Variants in ARHGEF10L observed in about 807,000 individuals in gnomAD.
ARHGEF10L encodes the protein Rho guanine nucleotide exchange factor 10 like.
In ARHGEF10L, 69 loss-of-function variants were observed where a neutral mutation model predicts 141.2. That is an observed-to-expected ratio of 0.49 (90% CI 0.40 to 0.60). The LOEUF is 0.60. Ranked by LOEUF, ARHGEF10L falls within the 20% of genes least tolerant of loss-of-function variation. ARHGEF10L has a pLI of 0.00. For synonymous variants in ARHGEF10L, 711 were observed against 718.5 expected, an observed-to-expected ratio of 0.99 and a Z score of 0.17; for missense variants, 1,482 against 1,734.3, an observed-to-expected ratio of 0.85 and a Z score of 2.58.
At chr1:17,533,668 G>A in the ARHGEF10L span, among the ~76,000 whole-genome samples, 2 of 152,132 alleles carry the variant, frequency 1.3e-5, no homozygotes, top group South Asian at 4.1e-4. Flanking sequence ...AACCTAGAAG[G>A]CTTGAGGTGT....
At chr1:17,630,087 G>A (rs1047645635) in intron 15 of ARHGEF10L, among the ~76,000 whole-genome samples, 2 of 152,242 alleles carry the variant, frequency 1.3e-5, no homozygotes, top group African/African-American at 4.8e-5. Flanking sequence ...GTTAGGAAGA[G>A]TGTGGTGGAG....
chr1:17,619,557 T>C lies in ARHGEF10L; in HGVS notation c.942+112T>C. 1.2e-6 allele frequency: 1 copy of C among 852,816 alleles called. No homozygotes were observed. The highest frequency in any genetic ancestry group is 1.7e-5 in the African/African-American group (1 of 57,808). 52.8% of individuals were successfully genotyped at this position (852,816 alleles called of 1,614,324 possible). A position where few individuals can be genotyped will look rare whatever the true frequency, so the allele number is the denominator to read the frequency against. On this transcript the variant is annotated intron_variant, in intron 10 of 28. Coordinates refer to ENST00000361221, the MANE Select transcript of ARHGEF10L (RefSeq NM_018125.4). This position sits in a 1 kb window ranked among gnomAD's most constrained non-coding sequence, Gnocchi z 5.0. ...TGGATCTCACAGGGGATATGATGAC[T>C]GGGGGCTCTTGGCAGAGCCCAGCTG...
In ARHGEF10L at chr1:17,558,634, G is replaced by A. The variant is rs371179617; in HGVS notation, c.-44+18684G>A. On this transcript the variant is annotated intron_variant, in intron 1 of 28. Transcript: ENST00000361221. This position sits in a 1 kb window ranked among gnomAD's most constrained non-coding sequence, Gnocchi z 4.2. ...CTTGCCTTTGGGAAGGCAGGTCATC[G>A]TGGCTGGGGCAGGTGGGGACCTTTT... is the stretch of plus-strand genomic sequence containing the variant. Among the ~76,000 whole-genome samples the A allele has an allele frequency of 2.7e-4, 41 of 152,260 alleles. No individual in the cohort carries two copies. Among genetic ancestry groups the A allele is most frequent in the African/African-American group, 7.7e-4 (32 of 41,466 alleles).
chr1:17,696,748 C>G, intron 28 of ARHGEF10L, 100 bp from the exon 29 acceptor site: 5 of 1,303,506 alleles, frequency 3.8e-6, no homozygotes, highest in Non-Finnish European at 5.2e-6. Context: ...GTGACCCCCC[C>G]AAATACCCAC....
chr1:17,561,297 C>T (rs923589995), intron 1 of ARHGEF10L, among the ~76,000 whole-genome samples: 13 of 152,190 alleles, frequency 8.5e-5, no homozygotes, highest in Admixed American at 6.5e-5. Flanking sequence ...GCTGGCAGCC[C>T]GGGAGCAGTC....
chr1:17,595,956 T>C (rs1177515372), intron 4 of ARHGEF10L, among the ~76,000 whole-genome samples: 3 of 152,204 alleles, frequency 2.0e-5, no homozygotes, highest in African/African-American at 4.8e-5. Flanking sequence ...TACTTCACCC[T>C]GGTCCACATT....
intron 26 of ARHGEF10L, among the ~76,000 whole-genome samples, chr1:17,685,738 G>T (rs2064518050): frequency 6.6e-6 from 1 of 152,242 alleles, no homozygotes; most frequent in South Asian, 2.1e-4. Flanking sequence ...ACCCTACTAG[G>T]CACTGGGCCT....
chr1:17,515,602 A>T, the ARHGEF10L span, among the ~76,000 whole-genome samples: 1 of 151,728 alleles, frequency 6.6e-6, no homozygotes, highest in East Asian at 1.9e-4. Flanking sequence ...GCCCTGCCAG[A>T]TACTATTTAT....
chr1:17,518,802 CAAAAAAA>C, the ARHGEF10L span, among the ~76,000 whole-genome samples: 3 of 99,890 alleles, frequency 3.0e-5, no homozygotes, highest in South Asian at 7.2e-4. Flanking sequence ...GATTCTGTCT[CAAAAAAA>C]AAAAAAAAAA....
chr1:17,630,114 C>T (rs1218458050), intron 15 of ARHGEF10L, among the ~76,000 whole-genome samples: 1 of 152,160 alleles, frequency 6.6e-6, no homozygotes, highest in African/African-American at 2.4e-5. Flanking sequence ...CCCTGGGCTT[C>T]CCCCTCCAGG....
At chr1:17,638,461 G>C (rs943569918) in intron 19 of ARHGEF10L, 101 bp from the exon 20 acceptor site, 1 of 1,532,416 alleles carries the variant, frequency 6.5e-7, no homozygotes, top group Admixed American at 2.0e-5. Context: ...GACTTCTTCA[G>C]TTTCTCTTCC....
chr1:17,643,402 G>A (rs908178876), intron 21 of ARHGEF10L, among the ~76,000 whole-genome samples: 12 of 152,122 alleles, frequency 7.9e-5, no homozygotes, highest in African/African-American at 1.4e-4. Context: ...TGGGGACCCC[G>A]TTCAAACCCC....
rs1159449659 is a variant in ARHGEF10L, at chr1:17,648,642, C to T, written c.2361C>T (p.Ile787=). 1.9e-6 allele frequency: 3 copies of T among 1,613,058 alleles called. No homozygotes were observed. The highest frequency in any genetic ancestry group is 2.2e-5 in the South Asian group (2 of 91,028). ...PFWCPILACC[I]PAFSSRALSL... is the part of the protein sequence containing the mutation. ...GGTGCCCGATCCTGGCCTGCTGCAT[C>T]CCTGCCTTCTCCTCCCGGGCACTCA... is the stretch of plus-strand genomic sequence containing the variant. Residue 787 remains isoleucine, a synonymous_variant, in exon 22 of 29, where the codon ATC becomes ATT. Coordinates refer to ENST00000361221, the MANE Select transcript of ARHGEF10L (RefSeq NM_018125.4).
chr1:17,634,727 G>A, intron 17 of ARHGEF10L, 108 bp from the exon 18 acceptor site: 1 of 1,459,132 alleles, frequency 6.9e-7, no homozygotes, highest in Non-Finnish European at 9.2e-7. Context: ...CTTGCGCTGG[G>A]GCTGCGTGAA....
intron 22 of ARHGEF10L, among the ~76,000 whole-genome samples, chr1:17,651,781 ACT>A (rs1239058392): frequency 1.3e-5 from 2 of 151,698 alleles, no homozygotes; most frequent in Non-Finnish European, 2.9e-5. Context: ...GAGGCGAGTG[ACT>A]CTCTGTGGTA....
At chr1:17,553,956 A>G (rs1020546571) in intron 1 of ARHGEF10L, among the ~76,000 whole-genome samples, 2 of 152,168 alleles carry the variant, frequency 1.3e-5, no homozygotes, top group Admixed American at 1.3e-4. Context: ...ACTGAGACAC[A>G]AAACGTTTAG....
intron 26 of ARHGEF10L, among the ~76,000 whole-genome samples, chr1:17,681,961 C>G (rs1007700929): frequency 2.6e-5 from 4 of 151,632 alleles, no homozygotes; most frequent in Non-Finnish European, 5.9e-5. Flanking sequence ...CACACCCTGC[C>G]CTTACTATCA....
chr1:17,561,484 C>G (rs1004488906), intron 1 of ARHGEF10L, among the ~76,000 whole-genome samples: 3 of 152,208 alleles, frequency 2.0e-5, no homozygotes, highest in African/African-American at 7.2e-5. Context: ...CTCTGCAGTT[C>G]TGAGTGCCTT....
At chr1:17,527,019 G>A in the ARHGEF10L span, among the ~76,000 whole-genome samples, 9 of 152,040 alleles carry the variant, frequency 5.9e-5, no homozygotes, top group Admixed American at 2.6e-4. Context: ...AAGTGGGGCC[G>A]GGATCCCACT....
Sources: allele counts gnomAD v4.1 joint callset (sites outside exome capture counted in the v4.1 genomes callset), GRCh38; gene constraint gnomAD v4.1.1; non-coding constraint Gnocchi (gnomAD v3.1); transcripts MANE v1.5; gene names NCBI Gene and HGNC (gene_info 2026-07-23, HGNC 2026-07-21).